Variants in NDUFAF7 observed in about 807,000 individuals in gnomAD.
NDUFAF7 encodes protein arginine methyltransferase NDUFAF7, mitochondrial.
In NDUFAF7, 48 loss-of-function variants were observed where a neutral mutation model predicts 47.2. That is an observed-to-expected ratio of 1.02 (90% CI 0.81 to 1.29). The LOEUF (loss-of-function observed/expected upper bound fraction) is 1.29, where lower values mean the gene tolerates loss of function less well. Ranked by LOEUF, NDUFAF7 falls within the 50% of genes most tolerant of loss-of-function variation. The probability of loss-of-function intolerance (pLI) is 0.00; values close to 1 mark genes in which losing one functional copy is unlikely to be tolerated. For missense variants in NDUFAF7, 635 were observed against 537.6 expected (o/e 1.18, Z -1.79); for synonymous variants, 217 against 190.0 (o/e 1.14, Z -1.17).
downstream of NDUFAF7, among the ~76,000 whole-genome samples, chr2:37,254,684 GTATTAAC>G (rs1353542353): frequency 1.3e-5 from 2 of 152,112 alleles, no homozygotes; most frequent in African/African-American, 2.4e-5. Context: ...TAAGTGCTAA[GTATTAAC>G]TATTATTATT....
the NDUFAF7 span, among the ~76,000 whole-genome samples, chr2:37,270,382 A>G: frequency 1.3e-5 from 2 of 148,626 alleles, no homozygotes; most frequent in Non-Finnish European, 3.0e-5. Flanking sequence ...AAAAGTTCAT[A>G]TTACTGGGAT....
intron 3 of NDUFAF7, among the ~76,000 whole-genome samples, chr2:37,236,613 A>G (rs1373823689): frequency 2.7e-5 from 4 of 147,604 alleles, no homozygotes; most frequent in Non-Finnish European, 4.5e-5. Flanking sequence ...AGTCTCTACT[A>G]AAAAAAAAAT....
At chr2:37,249,643 G>GAGACACACACACACACAC (rs1553361382), downstream of NDUFAF7, among the ~76,000 whole-genome samples, 1 of 132,524 alleles carries the variant, frequency 7.5e-6, no homozygotes, top group Non-Finnish European at 1.6e-5. Context: ...CTGTGATAGA[G>GAGACACACACACACACAC]ACACACACAC....
chr2:37,260,471 G>C, the NDUFAF7 span: 1 of 1,229,060 alleles, frequency 8.1e-7, no homozygotes, highest in Non-Finnish European at 1.2e-6. Flanking sequence ...GTCTGAAATG[G>C]CACAGAAAGA....
At chr2:37,269,988 G>C in the NDUFAF7 span, among the ~76,000 whole-genome samples, 1 of 152,170 alleles carries the variant, frequency 6.6e-6, no homozygotes, top group East Asian at 1.9e-4. Flanking sequence ...AGCACTTTGG[G>C]AGGCTGAGGC....
chr2:37,241,632 G>T lies in NDUFAF7; in HGVS notation c.463G>T (p.Val155Leu). The change falls in exon 5 of 10, where the codon GTA becomes TTA. Residue 155 changes from valine (V) to leucine (L), a missense_variant. Coordinates refer to ENST00000002125, the MANE Select transcript of NDUFAF7 (RefSeq NM_144736.5). ...LKNCDISVHL[V>L]EVSQKLSEIQ... ...AAATTGTGACATTTCAGTACATCTGGTAGAGGTAAGCCAAAAATTAAGTGA... is the reference window on the plus strand; with the variant it reads ...AAATTGTGACATTTCAGTACATCTGTTAGAGGTAAGCCAAAAATTAAGTGA... 6 of 1,613,858 alleles carry T rather than the reference G, an allele frequency of 3.7e-6. No homozygotes were observed. Among genetic ancestry groups the T allele is most frequent in the African/African-American group, 1.3e-5 (1 of 74,992 alleles).
At chr2:37,260,411 G>T in the NDUFAF7 span, 1 of 1,577,692 alleles carries the variant, frequency 6.3e-7, no homozygotes, top group Non-Finnish European at 8.7e-7. Context: ...AGATACATGA[G>T]CAACTTAAGC....
chr2:37,255,563 C>T (rs1030940353), downstream of NDUFAF7, among the ~76,000 whole-genome samples: 2 of 152,078 alleles, frequency 1.3e-5, no homozygotes, highest in African/African-American at 4.8e-5. Flanking sequence ...AGCAGAGGTC[C>T]ACAGGAGAGA....
intron 8 of NDUFAF7, 109 bp from the exon 9 acceptor site, chr2:37,247,347 T>C: frequency 7.6e-7 from 1 of 1,323,258 alleles, no homozygotes; most frequent in South Asian, 1.2e-5. Context: ...GAGAGCTCTA[T>C]TCCGTCACCT....
At chr2:37,261,684 G>A in the NDUFAF7 span, among the ~76,000 whole-genome samples, 1 of 152,204 alleles carries the variant, frequency 6.6e-6, no homozygotes, top group Admixed American at 6.5e-5. Flanking sequence ...GGAGGCTGAG[G>A]CAGGAGAATT....
downstream of NDUFAF7, among the ~76,000 whole-genome samples, chr2:37,254,572 A>G (rs1014239737): frequency 1.3e-5 from 2 of 152,082 alleles, no homozygotes; most frequent in African/African-American, 4.8e-5. Context: ...TCTGCCACCT[A>G]CTAGCTGTGT....
In NDUFAF7 at chr2:37,231,893, G is replaced by C. The variant is rs1665175264; in HGVS notation, c.55+133G>C. 17 of 1,582,566 alleles carry C rather than the reference G, an allele frequency of 1.1e-5. No homozygotes were observed. In the South Asian group the frequency reaches 1.5e-4, roughly 14 times the overall value. ...TCCACCTTGAAGGTACCCTGGGCTG[G>C]AAACGGGTCCGGTACAAACGCAATA... On this transcript the variant is annotated intron_variant, in intron 1 of 9. Coordinates refer to ENST00000002125, the MANE Select transcript of NDUFAF7 (RefSeq NM_144736.5).
the NDUFAF7 span, chr2:37,269,591 AT>A: frequency 6.3e-7 from 1 of 1,582,326 alleles, no homozygotes; most frequent in African/African-American, 1.3e-5. Context: ...TGTGTACAAT[AT>A]GCAAACGGCT....
downstream of NDUFAF7, chr2:37,254,224 G>C (rs1292662626): frequency 6.2e-7 from 1 of 1,611,480 alleles, no homozygotes; most frequent in African/African-American, 1.3e-5. Flanking sequence ...GGATGACTAA[G>C]AGATTTGTCA....
At chr2:37,239,728 AAGT>A (rs1354256059) in intron 4 of NDUFAF7, among the ~76,000 whole-genome samples, 1 of 130,654 alleles carries the variant, frequency 7.7e-6, no homozygotes, top group Non-Finnish European at 1.7e-5. Context: ...AGATGTGTGA[AAGT>A]AGCAGTTTGC....
At chr2:37,265,617 G>A in the NDUFAF7 span, among the ~76,000 whole-genome samples, 2 of 152,036 alleles carry the variant, frequency 1.3e-5, no homozygotes, top group Non-Finnish European at 2.9e-5. Flanking sequence ...GGGTGATGTT[G>A]AGAAAAAGTA....
intron 8 of NDUFAF7, 70 bp downstream of exon 8, chr2:37,246,265 G>A: frequency 6.6e-7 from 1 of 1,516,572 alleles, no homozygotes; most frequent in African/African-American, 1.4e-5. Context: ...GAAGAGCTTT[G>A]ATTTCTACAG....
the NDUFAF7 span, among the ~76,000 whole-genome samples, chr2:37,264,089 A>T: frequency 6.6e-6 from 1 of 152,172 alleles, no homozygotes; most frequent in East Asian, 1.9e-4. Flanking sequence ...ATAATCTAGG[A>T]AACAAAAGGA....
At chr2:37,264,612 G>GTA in the NDUFAF7 span, among the ~76,000 whole-genome samples, 1 of 152,134 alleles carries the variant, frequency 6.6e-6, no homozygotes, top group African/African-American at 2.4e-5. Flanking sequence ...AGACAAGGGA[G>GTA]TATGACATGC....
Sources: gnomAD v4.1 joint callset for allele counts (sites outside exome capture counted in the v4.1 genomes callset) on GRCh38, gnomAD v4.1.1 for gene constraint, MANE v1.5 for transcripts, NCBI Gene and HGNC (gene_info 2026-07-23, HGNC 2026-07-21) for gene names.